RUFY2: variants seen among roughly 807,000 people sequenced by gnomAD.
RUFY2 encodes RUN and FYVE domain containing 2, also known as RUN and FYVE domain-containing protein 2.
Under a neutral mutation model 94.4 loss-of-function variants are expected in RUFY2, and 49 were observed. The ratio of observed to expected loss-of-function variants is 0.52; its 90% CI spans 0.41 to 0.66. RUFY2 has a LOEUF of 0.66. RUFY2 is among the 30% of genes least tolerant of loss of function. RUFY2 has a pLI of 0.00. For synonymous variants in RUFY2, 255 were observed against 235.7 expected, an observed-to-expected ratio of 1.08 and a Z score of -0.75; for missense variants, 541 against 692.8, an observed-to-expected ratio of 0.78 and a Z score of 2.46.
At position 68,359,126 on chromosome 10, in the gene RUFY2, C is replaced by T. The variant is rs543153974; in HGVS notation, c.1551-3725G>A. On this transcript the variant is annotated intron_variant, in intron 15 of 17. Transcript: ENST00000602465. ...AGGCACAGTGGCTCATGCCTGTAAT[C>T]CCAACCCTTTGGGAGGCCAAGGTGG... 1.6e-4 allele frequency among the ~76,000 whole-genome samples: 24 copies of T among 151,586 alleles called. No individual in the cohort carries two copies. In the South Asian group the frequency reaches 3.8e-3, roughly 24 times the overall value.
intron 16 of RUFY2, 99 bp downstream of exon 16, chr10:68,355,254 T>C: frequency 2.4e-6 from 2 of 837,910 alleles, no homozygotes; most frequent in East Asian, 2.5e-5. Context: ...TCGGCCTCTA[T>C]ATATCCTGGG....
chr10:68,385,427 G>C (rs2049420652), intron 8 of RUFY2, among the ~76,000 whole-genome samples: 2 of 152,012 alleles, frequency 1.3e-5, no homozygotes, highest in Admixed American at 6.6e-5. Context: ...AAAAAAGAGA[G>C]CTGAGATAAA....
rs1330776463 is a variant in RUFY2, at chr10:68,344,469, TAC to T, written c.*1297_*1298del. 8 of 152,248 alleles carry T rather than the reference TAC, an allele frequency of 5.3e-5. 1 individual carries two copies. The highest frequency in any genetic ancestry group is 5.2e-4 in the Admixed American group (8 of 15,276). The allele number at this position is 152,248 out of a possible 1,614,324, so 9.4% of individuals were successfully genotyped here. ...TATGTAACTATTCAGAGGTAATTTA[TAC>T]AAGTTAAATTCTTAGTATGCCATAA... is the stretch of plus-strand genomic sequence containing the variant. On this transcript the variant is annotated 3_prime_UTR_variant, in exon 18 of 18. Coordinates refer to ENST00000602465, the MANE Select transcript of RUFY2 (RefSeq NM_001330103.2).
At chr10:68,360,540 G>A (rs1564792673) in intron 15 of RUFY2, among the ~76,000 whole-genome samples, 1 of 151,754 alleles carries the variant, frequency 6.6e-6, no homozygotes, top group Non-Finnish European at 1.5e-5. Flanking sequence ...TCAGGAGATC[G>A]AAACCATCCT....
intron 13 of RUFY2, among the ~76,000 whole-genome samples, chr10:68,370,332 G>GA (rs1412029567): frequency 1.3e-5 from 2 of 151,586 alleles, no homozygotes; most frequent in African/African-American, 2.4e-5. Context: ...GGATCTAAGG[G>GA]AAAAAAATAA....
chr10:68,407,271 C>T lies in RUFY2; in HGVS notation c.-82G>A. On this transcript the variant is annotated 5_prime_UTR_variant, in exon 1 of 18. Coordinates refer to ENST00000602465, the MANE Select transcript of RUFY2 (RefSeq NM_001330103.2). ...CTTCCAGGCGCTCGGCGGCCACCAC[C>T]GCATCTGCAGCCAGGCCCGCTGCAG... The T allele has an allele frequency of 1.7e-6, 2 of 1,207,460 alleles. No homozygotes were observed. The allele number at this position is 1,207,460 out of a possible 1,614,324, so 74.8% of individuals were successfully genotyped here.
At chr10:68,364,455 G>A (rs180912140) in intron 13 of RUFY2, among the ~76,000 whole-genome samples, 10 of 152,332 alleles carry the variant, frequency 6.6e-5, no homozygotes, top group Admixed American at 6.5e-4. Flanking sequence ...ATGGAACTAA[G>A]AGGAGGAATG....
At chr10:68,372,873 A>C (rs2048374993) in intron 13 of RUFY2, among the ~76,000 whole-genome samples, 1 of 151,864 alleles carries the variant, frequency 6.6e-6, no homozygotes, top group Non-Finnish European at 1.5e-5. Flanking sequence ...ACACCACTGC[A>C]CTCCAGCCTG....
intron 9 of RUFY2, 29 bp from the exon 10 acceptor site, chr10:68,383,943 A>G: frequency 6.3e-7 from 1 of 1,585,864 alleles, no homozygotes; most frequent in Non-Finnish European, 8.7e-7. Flanking sequence ...TTTTCATTCT[A>G]TAATCACTAC....
intron 16 of RUFY2, chr10:68,346,441 A>G (rs2046280160): frequency 5.4e-6 from 1 of 186,282 alleles, no homozygotes; most frequent in African/African-American, 2.4e-5. Context: ...AAAATTGAAA[A>G]AATGAAAAAT....
At chr10:68,398,566 C>T (rs1051023607) in intron 3 of RUFY2, among the ~76,000 whole-genome samples, 6 of 152,120 alleles carry the variant, frequency 3.9e-5, no homozygotes, top group South Asian at 4.1e-4. Flanking sequence ...GCAGGAGAAT[C>T]GCTTGAACCC....
downstream of RUFY2, chr10:68,342,406 T>A (rs2046020497): frequency 5.5e-6 from 1 of 182,746 alleles, no homozygotes; most frequent in Non-Finnish European, 1.1e-5. Flanking sequence ...ATGGTTCACC[T>A]CTGCGTAAAC....
chr10:68,363,231 C>T (rs1053839122), intron 15 of RUFY2, among the ~76,000 whole-genome samples: 7 of 152,054 alleles, frequency 4.6e-5, no homozygotes, highest in African/African-American at 1.4e-4. Context: ...CTTGCTTTGT[C>T]GCCAGGCTGG....
At position 68,366,756 on chromosome 10, in the gene RUFY2, ATAT is replaced by A. The variant is rs2047856570; in HGVS notation, c.1326-2646_1326-2644del. Reference sequence around the variant, plus strand: ...GACTCTAAAATATATATATATATATATATAATATTAAATATATTAAATAAATAA... The same window carrying A: ...GACTCTAAAATATATATATATATATAAATATTAAATATATTAAATAAATAA... On this transcript the variant is annotated intron_variant, in intron 13 of 17. Coordinates refer to ENST00000602465, the MANE Select transcript of RUFY2 (RefSeq NM_001330103.2). 2.9e-5 allele frequency among the ~76,000 whole-genome samples: 4 copies of A among 139,922 alleles called. 1 individual carries two copies. The Admixed American group carries it at 3.2e-4, about 11-fold the overall frequency. The allele number at this position is 139,922 out of a possible 152,430, so 91.8% of individuals were successfully genotyped here. A position where few individuals can be genotyped will look rare whatever the true frequency, so the allele number is the denominator to read the frequency against.
At chr10:68,366,759 T>TATATATATATATATATAAATAA (rs1235098742) in intron 13 of RUFY2, among the ~76,000 whole-genome samples, 29 of 131,840 alleles carry the variant, frequency 2.2e-4, no homozygotes, top group Non-Finnish European at 4.3e-4. Context: ...TATATATATA[T>TATATATATATATATATAAATAA]AATATTAAAT....
At position 68,393,152 on chromosome 10, in the gene RUFY2, T is replaced by C. The variant is rs770671081; in HGVS notation, c.636A>G (p.Leu212=). Residue 212 remains leucine, a synonymous_variant, in exon 7 of 18, where the codon TTA becomes TTG. Transcript: ENST00000602465. The part of the protein sequence containing the change: ...ILDQKNYVEE[L]NRQLNSTVSS... ...ATAATACTTACTTCAGTTGTCTATT[T>C]AATTCTTCAACATAATTCTTTTGGT... 6.5e-7 allele frequency: 1 copy of C among 1,531,328 alleles called. No homozygotes were observed. Among genetic ancestry groups the C allele is most frequent in the Non-Finnish European group, 9.0e-7 (1 of 1,114,736 alleles). The allele number at this position is 1,531,328 out of a possible 1,614,324, so 94.9% of individuals were successfully genotyped here.
At chr10:68,349,560 A>C (rs1284887815) in intron 16 of RUFY2, among the ~76,000 whole-genome samples, 1 of 151,800 alleles carries the variant, frequency 6.6e-6, no homozygotes, top group Non-Finnish European at 1.5e-5. Context: ...TTTTTTTGAG[A>C]CAGAGTCTCG....
chr10:68,393,749 C>T (rs1307919795), intron 6 of RUFY2: 3 of 290,552 alleles, frequency 1.0e-5, no homozygotes, highest in Admixed American at 5.8e-5. Flanking sequence ...AAACATAGTT[C>T]GATCTTGAAG....
At chr10:68,389,104 T>A (rs1168139144) in intron 7 of RUFY2, among the ~76,000 whole-genome samples, 4 of 151,876 alleles carry the variant, frequency 2.6e-5, no homozygotes, top group Non-Finnish European at 4.4e-5. Flanking sequence ...TCTCACCATG[T>A]TGCCCAGGCT....
Sources: allele counts gnomAD v4.1 joint callset (sites outside exome capture counted in the v4.1 genomes callset), GRCh38; gene constraint gnomAD v4.1.1; transcripts MANE v1.5; gene names NCBI Gene and HGNC (gene_info 2026-07-23, HGNC 2026-07-21).